KMT2C: variants seen among roughly 807,000 people sequenced by gnomAD.
The protein encoded by KMT2C is lysine methyltransferase 2C.
Under a neutral mutation model 507.9 loss-of-function variants are expected in KMT2C, and 88 were observed. That is an observed-to-expected ratio of 0.17 (90% CI 0.15 to 0.21). KMT2C has a LOEUF of 0.21. KMT2C is among the 10% of genes least tolerant of loss of function. The pLI, the probability that KMT2C is intolerant of heterozygous loss-of-function variation, is 1.00. For missense variants in KMT2C, 4,954 were observed against 5,957.8 expected (o/e 0.83, Z 5.55); for synonymous variants, 2,049 against 2,080.8 (o/e 0.98, Z 0.42).
At chr7:152,366,043 C>G (rs2097240693) in intron 1 of KMT2C, among the ~76,000 whole-genome samples, 1 of 152,032 alleles carries the variant, frequency 6.6e-6, no homozygotes, top group South Asian at 2.1e-4. Context: ...CTAAGATATA[C>G]CACCTCACAC....
intron 3 of KMT2C, among the ~76,000 whole-genome samples, chr7:152,325,466 GTT>G (rs1407175170): frequency 2.2e-5 from 3 of 136,422 alleles, no homozygotes; most frequent in African/African-American, 2.7e-5. Flanking sequence ...TTTTATGTGT[GTT>G]TTTTTTTTTT....
intron 39 of KMT2C, among the ~76,000 whole-genome samples, chr7:152,173,640 G>T (rs2093062728): frequency 6.6e-6 from 1 of 152,160 alleles, no homozygotes; most frequent in Non-Finnish European, 1.5e-5. Context: ...TCTCCTAAGA[G>T]AGAAAAGACA....
At chr7:152,201,093 T>C (rs1220356702) in intron 26 of KMT2C, among the ~76,000 whole-genome samples, 7 of 152,198 alleles carry the variant, frequency 4.6e-5, no homozygotes, top group Non-Finnish European at 7.3e-5. Context: ...TGAGAAATCT[T>C]ACACCATCAT....
At position 152,263,097 on chromosome 7, in the gene KMT2C, A is replaced by G. The variant is rs770768330; in HGVS notation, c.1218T>C (p.Cys406=). 1 of 1,612,244 alleles carries G rather than the reference A, an allele frequency of 6.2e-7. No individual in the cohort carries two copies. The highest frequency in any genetic ancestry group is 1.7e-5 in the Admixed American group (1 of 60,022). Residue 406 remains cysteine, a synonymous_variant, in exon 9 of 59, where the codon TGT becomes TGC. Transcript: ENST00000262189. ...TATGATACCCTTTGTCACACGTATC[A>G]CACACTAGCATCTTGCTATCTTCTC... The part of the protein sequence containing the change: ...QSGEDSKMLV[C]DTCDKGYHTF...
intron 3 of KMT2C, among the ~76,000 whole-genome samples, chr7:152,322,609 A>G (rs918870872): frequency 1.3e-5 from 2 of 152,044 alleles, no homozygotes; most frequent in African/African-American, 4.8e-5. Context: ...TAAAACTACT[A>G]GAATAAAACA....
At chr7:152,346,695 T>C (rs1034268817) in intron 2 of KMT2C, among the ~76,000 whole-genome samples, 3 of 152,310 alleles carry the variant, frequency 2.0e-5, no homozygotes, top group Admixed American at 6.5e-5. Context: ...TTTGACTCCT[T>C]GAAAACTTAA....
chr7:152,148,996 G>A lies in KMT2C; in HGVS notation c.12931C>T (p.Pro4311Ser), dbSNP rs780138856. The A allele has an allele frequency of 1.1e-5, 17 of 1,568,194 alleles. No homozygotes were observed. Among genetic ancestry groups the A allele is most frequent in the Non-Finnish European group, 1.4e-5 (16 of 1,159,188 alleles). The change falls in exon 52 of 59, where the codon CCT becomes TCT. Residue 4311 changes from proline (P) to serine (S), a missense_variant. This residue lies in a region of KMT2C where 417 missense variants were observed against 461.1 expected (regional missense o/e 0.90). Transcript: ENST00000262189. This position sits in a 1 kb window ranked among gnomAD's most constrained non-coding sequence, Gnocchi z 7.1. Reference protein sequence around the residue: ...PPASPPIAFPPAFEAAQVEAK... With the variant: ...PPASPPIAFPSAFEAAQVEAK... ...TCGACTTGGGCTGCTTCAAAAGCAG[G>A]AGGGAAGGCGATGGGTGGTGAGGCA...
intron 55 of KMT2C, among the ~76,000 whole-genome samples, chr7:152,142,871 T>G (rs1248309675): frequency 6.6e-6 from 1 of 152,084 alleles, no homozygotes; most frequent in African/African-American, 2.4e-5. Context: ...CATAAAAGTG[T>G]ATATAGTTCT....
Position 152,252,660 on chromosome 7 carries a change from T to A in KMT2C, c.1355A>T (p.Asn452Ile). 6.2e-7 allele frequency: 1 copy of A among 1,613,546 alleles called. No individual in the cohort carries two copies. The highest frequency in any genetic ancestry group is 1.3e-5 in the African/African-American group (1 of 75,040). Residue 452 changes from asparagine (N) to isoleucine (I), a missense_variant, in exon 10 of 59, where the codon AAT becomes ATT. By Grantham distance (149) the Asn-to-Ile change is moderately radical. Coordinates refer to ENST00000262189, the MANE Select transcript of KMT2C (RefSeq NM_170606.3). ...GTRSSSQWHH[N>I]CLICDNCYQQ... Reference sequence around the variant, plus strand: ...GTAACAATTGTCACATATCAGGCAATTGTGGTGCCACTGAGAACTAGACCG... The same window carrying A: ...GTAACAATTGTCACATATCAGGCAAATGTGGTGCCACTGAGAACTAGACCG...
At position 152,136,384 on chromosome 7, in the gene KMT2C, A is replaced by G. The variant is rs1016256168; in HGVS notation, c.*448T>C. 12 of 229,484 alleles carry G rather than the reference A, an allele frequency of 5.2e-5. No homozygotes were observed. The highest frequency in any genetic ancestry group is 1.0e-4 in the Non-Finnish European group (12 of 115,796). 14.2% of individuals were successfully genotyped at this position (229,484 alleles called of 1,614,324 possible). ...GCCCCTTTTTAATAAGGCCGTGGCC[A>G]GCACTCTCTGTCCCCCTCGCTGGTG... On this transcript the variant is annotated 3_prime_UTR_variant, in exon 59 of 59. Transcript: ENST00000262189.
chr7:152,410,609 T>G (rs1395992245), intron 1 of KMT2C, among the ~76,000 whole-genome samples: 1 of 147,304 alleles, frequency 6.8e-6, no homozygotes, highest in Non-Finnish European at 1.5e-5. Context: ...AAGTTTTAAT[T>G]TATATATATT....
chr7:152,294,015 C>T (rs2096462025), intron 6 of KMT2C, among the ~76,000 whole-genome samples: 1 of 148,032 alleles, frequency 6.8e-6, no homozygotes, highest in African/African-American at 2.6e-5. Flanking sequence ...TGCACCACCA[C>T]ACCTGCCTTT....
chr7:152,383,787 G>A (rs1194791177), intron 1 of KMT2C, among the ~76,000 whole-genome samples: 1 of 152,092 alleles, frequency 6.6e-6, no homozygotes, highest in Admixed American at 6.6e-5. Flanking sequence ...TACCTTAGAG[G>A]GTTGTCACAC....
intron 14 of KMT2C, among the ~76,000 whole-genome samples, chr7:152,243,867 T>C (rs1413112292): frequency 6.6e-6 from 1 of 152,186 alleles, no homozygotes; most frequent in East Asian, 1.9e-4. Context: ...ATAAAAACTT[T>C]CAATACCATC....
Position 152,235,833 on chromosome 7 carries a change from G to C in KMT2C, c.2753C>G (p.Ala918Gly), listed in dbSNP as rs372041211. Residue 918 changes from alanine (A) to glycine (G), a missense_variant, in exon 16 of 59, where the codon GCT becomes GGT. By Grantham distance (60) the Ala-to-Gly change is moderately conservative (BLOSUM62 0). This residue lies in a region of KMT2C where 62 missense variants were observed against 137.2 expected (regional missense o/e 0.45). Coordinates refer to ENST00000262189, the MANE Select transcript of KMT2C (RefSeq NM_170606.3). ...GRSKLKSGIG[A>G]VVLPGVSTAD... ...AAGCCTCACCCCAGGTAATACAACA[G>C]CTCCGATTCCACTTTTCAGCTTTGA... 2.6e-5 allele frequency: 42 copies of C among 1,603,482 alleles called. No homozygotes were observed. The highest frequency in any genetic ancestry group is 3.5e-5 in the Non-Finnish European group (41 of 1,172,256).
chr7:152,226,163 G>A (rs1468537216), intron 18 of KMT2C, among the ~76,000 whole-genome samples: 6 of 149,566 alleles, frequency 4.0e-5, no homozygotes, highest in Admixed American at 2.7e-4. Flanking sequence ...GATTAAAAGC[G>A]ACTGCCTCAG....
chr7:152,388,844 G>C (rs1029087832), intron 1 of KMT2C, among the ~76,000 whole-genome samples: 69 of 152,374 alleles, frequency 4.5e-4, no homozygotes, highest in African/African-American at 1.5e-3. Flanking sequence ...TGCCTCCCGG[G>C]TTCAAGCGAT....
intron 31 of KMT2C, among the ~76,000 whole-genome samples, chr7:152,192,850 G>A (rs2093844344): frequency 6.6e-6 from 1 of 152,114 alleles, no homozygotes; most frequent in South Asian, 2.1e-4. Flanking sequence ...CAATAGGATA[G>A]AGAGAGATGT....
rs1263340693 is a variant in KMT2C at position 152,194,421 on chromosome 7, T to A, written c.4507+19A>T. The A allele has an allele frequency of 1.9e-6, 3 of 1,611,498 alleles. No homozygotes were observed. On this transcript the variant is annotated intron_variant, in intron 29 of 58. Transcript: ENST00000262189. ...ACTCAGGTCTTTTAGAAAGCCTAGA[T>A]GTAGGGCAAATATTTTACCATCTGT...
Sources: allele counts gnomAD v4.1 joint callset (sites outside exome capture counted in the v4.1 genomes callset), GRCh38; gene constraint gnomAD v4.1.1; regional missense constraint gnomAD v4.1.1; non-coding constraint Gnocchi (gnomAD v3.1); transcripts MANE v1.5; gene names NCBI Gene and HGNC (gene_info 2026-07-23, HGNC 2026-07-21).